UBR1: variants seen among roughly 807,000 people sequenced by gnomAD.
The protein encoded by UBR1 is ubiquitin protein ligase E3 component n-recognin 1, also known as E3 ubiquitin-protein ligase UBR1.
UBR1 carries 102 observed loss-of-function variants against 242.1 expected under a neutral mutation model. The ratio of observed to expected loss-of-function variants is 0.42; its 90% CI spans 0.36 to 0.50. The LOEUF is 0.50. Ranked by LOEUF, UBR1 falls within the 20% of genes least tolerant of loss-of-function variation. The pLI is 0.01. For synonymous variants in UBR1, 675 were observed against 684.8 expected, an observed-to-expected ratio of 0.99 and a Z score of 0.22; for missense variants, 1,772 against 2,101.8, an observed-to-expected ratio of 0.84 and a Z score of 3.07.
At chr15:42,948,683 A>G (rs1211335053) in intron 46 of UBR1, among the ~76,000 whole-genome samples, 5 of 152,104 alleles carry the variant, frequency 3.3e-5, no homozygotes, top group Non-Finnish European at 5.9e-5. Flanking sequence ...ATGAAAAAAT[A>G]CTCACCATCA....
At chr15:42,987,786 A>C (rs2032496958) in intron 35 of UBR1, among the ~76,000 whole-genome samples, 1 of 151,644 alleles carries the variant, frequency 6.6e-6, no homozygotes, top group Admixed American at 6.6e-5. Context: ...GTGTCTTGTT[A>C]CAAAAATACA....
At chr15:43,024,715 C>A in intron 25 of UBR1, 114 bp downstream of exon 25, 1 of 1,437,362 alleles carries the variant, frequency 7.0e-7, no homozygotes, top group Non-Finnish European at 9.8e-7. Flanking sequence ...TTTAATGACC[C>A]CTATGTTTCC....
intron 6 of UBR1, among the ~76,000 whole-genome samples, chr15:43,061,983 A>AAT (rs1555448425): frequency 1.3e-5 from 2 of 152,138 alleles, no homozygotes; most frequent in Non-Finnish European, 2.9e-5. Flanking sequence ...GTAAAAAAAA[A>AAT]AATAATAATA....
intron 45 of UBR1, among the ~76,000 whole-genome samples, chr15:42,950,756 G>A (rs917573049): frequency 2.0e-5 from 3 of 152,192 alleles, no homozygotes; most frequent in Non-Finnish European, 2.9e-5. Flanking sequence ...CTCCTAGTCT[G>A]ATAACCTCAA....
At chr15:43,003,382 A>T (rs1249756957) in intron 31 of UBR1, 1 of 213,192 alleles carries the variant, frequency 4.7e-6, no homozygotes, top group Admixed American at 5.3e-5. Context: ...CAGCCTCCGG[A>T]GGAGCTGGGA....
chr15:43,075,189 A>G, intron 3 of UBR1, 100 bp from the exon 4 acceptor site: 1 of 953,368 alleles, frequency 1.0e-6, no homozygotes, highest in Non-Finnish European at 1.7e-6. Flanking sequence ...CAATACTCCA[A>G]CCTTAATTGA....
chr15:43,095,311 C>T (rs529638191), intron 1 of UBR1, among the ~76,000 whole-genome samples: 2 of 152,296 alleles, frequency 1.3e-5, no homozygotes, highest in East Asian at 3.9e-4. Flanking sequence ...CTCCTCTAAA[C>T]AAGTCAAACA....
chr15:43,025,163 T>A (rs549528507), intron 24 of UBR1, among the ~76,000 whole-genome samples, 180 bp from the exon 25 acceptor site: 3 of 152,356 alleles, frequency 2.0e-5, no homozygotes, highest in East Asian at 3.9e-4. Context: ...AAGTACTATA[T>A]CAGTCACCCA....
intron 1 of UBR1, among the ~76,000 whole-genome samples, chr15:43,095,542 T>TAAAA (rs60302282): frequency 7.7e-5 from 9 of 117,520 alleles, no homozygotes; most frequent in Admixed American, 8.8e-5. Flanking sequence ...GTGACAACAT[T>TAAAA]AAAAAAAAAA....
rs551326485 is a variant in UBR1, at chr15:43,013,980, C to T, written c.3209+1708G>A. Among the ~76,000 whole-genome samples the T allele has an allele frequency of 1.8e-3, 277 of 152,298 alleles. 1 individual carries two copies. The highest frequency in any genetic ancestry group is 0.011 in the South Asian group (55 of 4,820). ...CCATCTCGGCTCACTGCAACCTCCC[C>T]GCCTGATTCTCCTGCCTCAGCCTGC... On this transcript the variant is annotated intron_variant, in intron 29 of 46. Coordinates refer to ENST00000290650, the MANE Select transcript of UBR1 (RefSeq NM_174916.3).
chr15:43,004,725 G>C (rs2032780273), intron 30 of UBR1, among the ~76,000 whole-genome samples: 1 of 152,160 alleles, frequency 6.6e-6, no homozygotes, highest in African/African-American at 2.4e-5. Flanking sequence ...ATCTCGGCTC[G>C]CTACAACCCC....
At chr15:43,003,981 C>A in intron 30 of UBR1, 51 bp from the exon 31 acceptor site, 1 of 1,511,400 alleles carries the variant, frequency 6.6e-7, no homozygotes, top group South Asian at 1.1e-5. Context: ...TTATCAGGTC[C>A]AAAGTCTAAT....
chr15:43,090,226 A>C (rs1023770152), intron 1 of UBR1, among the ~76,000 whole-genome samples: 3 of 152,214 alleles, frequency 2.0e-5, no homozygotes, highest in African/African-American at 4.8e-5. Context: ...GTTACAAAGC[A>C]GTATATATAA....
intron 32 of UBR1, among the ~76,000 whole-genome samples, chr15:43,002,093 T>C (rs1015204580): frequency 2.6e-5 from 4 of 152,222 alleles, no homozygotes; most frequent in Non-Finnish European, 5.9e-5. Flanking sequence ...GTCCAAAAAT[T>C]AGGCTTTTGA....
chr15:43,099,816 C>T (rs886328002), intron 1 of UBR1, among the ~76,000 whole-genome samples: 4 of 151,758 alleles, frequency 2.6e-5, no homozygotes, highest in South Asian at 2.1e-4. Context: ...GTCTGAGACA[C>T]GCTACATAAA....
intron 1 of UBR1, among the ~76,000 whole-genome samples, chr15:43,092,980 A>G (rs1030245633): frequency 6.6e-6 from 1 of 152,188 alleles, no homozygotes; most frequent in Admixed American, 6.5e-5. Flanking sequence ...GTTGTTTTTA[A>G]AATTTTCCCC....
chr15:42,951,775 T>C (rs1256679902), intron 45 of UBR1, among the ~76,000 whole-genome samples: 1 of 152,032 alleles, frequency 6.6e-6, no homozygotes, highest in Non-Finnish European at 1.5e-5. Flanking sequence ...TGTGCTACCA[T>C]GCCTGGCTAA....
chr15:42,995,924 T>C (rs2032631000), intron 33 of UBR1, among the ~76,000 whole-genome samples: 2 of 152,264 alleles, frequency 1.3e-5, no homozygotes, highest in South Asian at 4.1e-4. Context: ...TCCAAATTCT[T>C]ACAAACCTCC....
intron 1 of UBR1, among the ~76,000 whole-genome samples, chr15:43,089,596 A>G (rs889455285): frequency 6.6e-6 from 1 of 152,180 alleles, no homozygotes; most frequent in Non-Finnish European, 1.5e-5. Flanking sequence ...ACACCACAAC[A>G]TTATTGTATT....
Sources: allele counts gnomAD v4.1 joint callset (sites outside exome capture counted in the v4.1 genomes callset), GRCh38; gene constraint gnomAD v4.1.1; transcripts MANE v1.5; gene names NCBI Gene and HGNC (gene_info 2026-07-23, HGNC 2026-07-21).